Variants in SKP2 observed in about 807,000 individuals in gnomAD.
The protein encoded by SKP2 is S-phase kinase associated protein 2.
SKP2 carries 16 observed loss-of-function variants against 51.8 expected under a neutral mutation model. The observed-to-expected ratio is 0.31, with a 90% confidence interval of 0.21 to 0.47. The LOEUF (loss-of-function observed/expected upper bound fraction) is 0.47, where lower values mean the gene tolerates loss of function less well. Ranked by LOEUF, SKP2 falls within the 20% of genes least tolerant of loss-of-function variation. The probability of loss-of-function intolerance (pLI) is 1.00; values close to 1 mark genes in which losing one functional copy is unlikely to be tolerated. For missense variants in SKP2, 377 were observed against 505.3 expected (o/e 0.75, Z 2.43); for synonymous variants, 176 against 198.6 (o/e 0.89, Z 0.96).
chr5:36,186,081 C>T (rs1023882024), downstream of SKP2, among the ~76,000 whole-genome samples: 10 of 152,154 alleles, frequency 6.6e-5, no homozygotes, highest in Middle Eastern at 6.8e-3. Context: ...TAAGAATGCT[C>T]GTGATTTTTG....
intron 7 of SKP2, 38 bp from the exon 8 acceptor site, chr5:36,176,927 A>C: frequency 7.2e-7 from 1 of 1,383,696 alleles, no homozygotes; most frequent in South Asian, 1.2e-5. Context: ...CTTGTTCCTC[A>C]TTTAATAGTG....
Position 36,184,255 on chromosome 5 carries a change from CTTG to C in SKP2, c.*2227_*2229del. 4.0e-6 allele frequency: 1 copy of C among 252,846 alleles called. No individual in the cohort carries two copies. Among genetic ancestry groups the C allele is most frequent in the Non-Finnish European group, 7.4e-6 (1 of 134,650 alleles). The allele number at this position is 252,846 out of a possible 1,614,324, so 15.7% of individuals were successfully genotyped here. On this transcript the variant is annotated 3_prime_UTR_variant, in exon 10 of 10. Transcript: ENST00000274255. ...CCTTTATAAAAGGGGCTAATACAGTCTTGTTATCTTTTTTTTTAAATTATACTT... is the reference window on the plus strand; with the variant it reads ...CCTTTATAAAAGGGGCTAATACAGTCTTATCTTTTTTTTTAAATTATACTT...
At chr5:36,176,541 G>A (rs1579572267) in intron 7 of SKP2, among the ~76,000 whole-genome samples, 1 of 151,646 alleles carries the variant, frequency 6.6e-6, no homozygotes, top group East Asian at 1.9e-4. Context: ...ATTTGAGTTG[G>A]AGAAATATTT....
At chr5:36,186,004 T>C (rs1004943761), downstream of SKP2, among the ~76,000 whole-genome samples, 24 of 152,208 alleles carry the variant, frequency 1.6e-4, no homozygotes, top group Non-Finnish European at 2.9e-4. Context: ...TATTTTATTC[T>C]CTTTGAAGCA....
At chr5:36,170,280 T>C in intron 5 of SKP2, 64 bp from the exon 6 acceptor site, 1 of 937,540 alleles carries the variant, frequency 1.1e-6, no homozygotes, top group East Asian at 2.4e-5. Flanking sequence ...TGCTTTCATC[T>C]AAATGTTGTT....
chr5:36,183,509 C>T lies in SKP2; in HGVS notation c.*1478C>T, dbSNP rs775652191. 4 of 628,592 alleles carry T rather than the reference C, an allele frequency of 6.4e-6. No individual in the cohort carries two copies. Among genetic ancestry groups the T allele is most frequent in the African/African-American group, 2.0e-5 (1 of 50,154 alleles). The allele number at this position is 628,592 out of a possible 1,614,324, so 38.9% of individuals were successfully genotyped here. ...GTCTCAATCTCCTGACCTCATGATCCGCCCGTCTTGGCCTCCCAAAGTGCT... is the reference window on the plus strand; with the variant it reads ...GTCTCAATCTCCTGACCTCATGATCTGCCCGTCTTGGCCTCCCAAAGTGCT... On this transcript the variant is annotated 3_prime_UTR_variant, in exon 10 of 10. Coordinates refer to ENST00000274255, the MANE Select transcript of SKP2 (RefSeq NM_005983.4).
chr5:36,152,384 T>G, intron 1 of SKP2, 114 bp downstream of exon 1: 1 of 1,026,500 alleles, frequency 9.7e-7, no homozygotes, highest in Non-Finnish European at 1.5e-6. Flanking sequence ...AGTGAATGGT[T>G]GCTTAGCCCC....
intron 2 of SKP2, among the ~76,000 whole-genome samples, chr5:36,159,580 A>G (rs1466851013): frequency 1.3e-5 from 2 of 152,122 alleles, no homozygotes; most frequent in African/African-American, 4.8e-5. Context: ...CCAAATAGTG[A>G]CCAACAGCAA....
chr5:36,155,472 G>A lies in SKP2; in HGVS notation c.280+2430G>A, dbSNP rs1036978865. On this transcript the variant is annotated intron_variant, in intron 2 of 9. Transcript: ENST00000274255. ...TGTAATAATACCCACTTCACAGGTCGTCGTGAAGATTAAATGAGAATGACG... is the reference window on the plus strand; with the variant it reads ...TGTAATAATACCCACTTCACAGGTCATCGTGAAGATTAAATGAGAATGACG... 1.2e-4 allele frequency among the ~76,000 whole-genome samples: 19 copies of A among 152,246 alleles called. 1 individual carries two copies. The highest frequency in any genetic ancestry group is 5.9e-4 in the Admixed American group (9 of 15,290).
chr5:36,189,193 G>A (rs530798185), downstream of SKP2, among the ~76,000 whole-genome samples: 12 of 152,280 alleles, frequency 7.9e-5, no homozygotes, highest in Non-Finnish European at 1.3e-4. Flanking sequence ...GCTCGGAGAA[G>A]TTTGATCATC....
At chr5:36,156,885 A>G (rs1744966960) in intron 2 of SKP2, among the ~76,000 whole-genome samples, 1 of 152,076 alleles carries the variant, frequency 6.6e-6, no homozygotes, top group African/African-American at 2.4e-5. Flanking sequence ...GAGCCTGGGA[A>G]TCTGTGTCTT....
chr5:36,156,276 C>G lies in SKP2; in HGVS notation c.280+3234C>G, dbSNP rs1057009674. 2.6e-5 allele frequency among the ~76,000 whole-genome samples: 4 copies of G among 152,244 alleles called. No individual in the cohort carries two copies. In the South Asian group the frequency reaches 8.3e-4, roughly 32 times the overall value. On this transcript the variant is annotated intron_variant, in intron 2 of 9. Transcript: ENST00000274255. ...TTGGAAGCCTGGGCCTCCAGTGGAG[C>G]CGGATTGTCATTCCAAGGAGTTTTG...
downstream of SKP2, among the ~76,000 whole-genome samples, chr5:36,188,346 A>G (rs1025480929): frequency 3.3e-5 from 5 of 152,190 alleles, no homozygotes; most frequent in Admixed American, 2.6e-4. Context: ...ACAATTTGGC[A>G]TGTTTTTGCA....
chr5:36,153,478 TG>T (rs1487303042), intron 2 of SKP2, among the ~76,000 whole-genome samples: 2 of 152,136 alleles, frequency 1.3e-5, no homozygotes, highest in Non-Finnish European at 2.9e-5. Context: ...TTCACCTAAG[TG>T]GGGGAGACAT....
downstream of SKP2, among the ~76,000 whole-genome samples, chr5:36,188,417 C>A (rs1745975779): frequency 6.6e-6 from 1 of 152,226 alleles, no homozygotes; most frequent in African/African-American, 2.4e-5. Context: ...TCTTGCAGGG[C>A]AGGCCTGGTG....
At chr5:36,162,387 G>T (rs765744477) in intron 2 of SKP2, among the ~76,000 whole-genome samples, 1 of 152,168 alleles carries the variant, frequency 6.6e-6, no homozygotes, top group Non-Finnish European at 1.5e-5. Context: ...CTTAGTGATC[G>T]TCATCTCAGT....
At chr5:36,173,554 G>A (rs1030597469) in intron 7 of SKP2, among the ~76,000 whole-genome samples, 6 of 152,104 alleles carry the variant, frequency 3.9e-5, no homozygotes, top group South Asian at 4.1e-4. Context: ...GACATGAATC[G>A]AGGCTCTGGG....
intron 6 of SKP2, among the ~76,000 whole-genome samples, 173 bp downstream of exon 6, chr5:36,170,615 G>A (rs1394720157): frequency 6.6e-6 from 1 of 152,162 alleles, no homozygotes; most frequent in South Asian, 2.1e-4. Flanking sequence ...CAGGAGCCAA[G>A]TCAATTGAGT....
In SKP2 at chr5:36,170,354, A is replaced by G; in HGVS notation, c.682A>G (p.Lys228Glu). The G allele has an allele frequency of 6.2e-7, 1 of 1,610,224 alleles. No individual in the cohort carries two copies. Among genetic ancestry groups the G allele is most frequent in the South Asian group, 1.1e-5 (1 of 90,454 alleles). ...LSDPIVNTLA[K>E]NSNLVRLNLS... ...TTTCTCTTTTTCCAGTACTCTCGCA[A>G]AAAACTCAAATTTAGTGCGACTTAA... The change falls in exon 6 of 10, where the codon AAA becomes GAA. Residue 228 changes from lysine (K) to glutamate (E), a missense_variant. Coordinates refer to ENST00000274255, the MANE Select transcript of SKP2 (RefSeq NM_005983.4).
Sources: allele counts gnomAD v4.1 joint callset (sites outside exome capture counted in the v4.1 genomes callset), GRCh38; gene constraint gnomAD v4.1.1; transcripts MANE v1.5; gene names NCBI Gene and HGNC (gene_info 2026-07-23, HGNC 2026-07-21).